Variants in ASIC2 observed in about 807,000 individuals in gnomAD.
The protein encoded by ASIC2 is acid-sensing ion channel 2.
In ASIC2, 25 loss-of-function variants were observed where a neutral mutation model predicts 57.3. That is an observed-to-expected ratio of 0.44 (90% CI 0.32 to 0.61). The LOEUF (loss-of-function observed/expected upper bound fraction) is 0.61. Among genes scored for constraint, ASIC2 ranks in the 20% least tolerant of loss-of-function variants. The probability of loss-of-function intolerance (pLI) is 0.06; values close to 1 mark genes in which losing one functional copy is unlikely to be tolerated. For synonymous variants in ASIC2, 319 were observed against 307.5 expected, an observed-to-expected ratio of 1.04 and a Z score of -0.39; for missense variants, 641 against 738.1, an observed-to-expected ratio of 0.87 and a Z score of 1.52.
At chr17:33,396,285 A>G (rs1910074138) in intron 1 of ASIC2, among the ~76,000 whole-genome samples, 1 of 152,214 alleles carries the variant, frequency 6.6e-6, no homozygotes, top group Non-Finnish European at 1.5e-5. Context: ...CTTCTGCTAA[A>G]TAGAAAATCA....
chr17:33,382,331 G>A (rs888306452), intron 1 of ASIC2, among the ~76,000 whole-genome samples: 7 of 152,166 alleles, frequency 4.6e-5, no homozygotes, highest in Admixed American at 6.5e-5. Flanking sequence ...CGATGATGCT[G>A]AAGTTTTAGA....
intron 1 of ASIC2, among the ~76,000 whole-genome samples, chr17:33,761,542 T>G (rs777866315): frequency 6.6e-6 from 1 of 152,160 alleles, no homozygotes; most frequent in African/African-American, 2.4e-5. Flanking sequence ...CCAAATGGAA[T>G]GGAGTGATCA....
chr17:33,812,885 C>A (rs528659837), intron 1 of ASIC2, among the ~76,000 whole-genome samples: 2 of 152,156 alleles, frequency 1.3e-5, no homozygotes, highest in African/African-American at 2.4e-5. Flanking sequence ...GTCTTCTTGG[C>A]AGGACTGGTG....
chr17:33,445,690 G>C (rs931212034), intron 1 of ASIC2, among the ~76,000 whole-genome samples: 1 of 151,670 alleles, frequency 6.6e-6, no homozygotes, highest in Non-Finnish European at 1.5e-5. Context: ...CCAGCTACTC[G>C]AGAGGCTGAG....
chr17:33,617,816 A>G (rs1905655606), intron 1 of ASIC2, among the ~76,000 whole-genome samples: 2 of 152,206 alleles, frequency 1.3e-5, no homozygotes, highest in South Asian at 4.1e-4. Context: ...TAGTTTTTTC[A>G]TCTTCCAAAG....
intron 1 of ASIC2, among the ~76,000 whole-genome samples, chr17:33,264,637 A>G (rs1480008816): frequency 6.6e-6 from 1 of 152,224 alleles, no homozygotes; most frequent in Non-Finnish European, 1.5e-5. Context: ...TTCCCAGAAC[A>G]ATGTCAGATC....
At chr17:33,481,237 G>A (rs1488817023) in intron 1 of ASIC2, among the ~76,000 whole-genome samples, 1 of 152,100 alleles carries the variant, frequency 6.6e-6, no homozygotes, top group East Asian at 1.9e-4. Context: ...GCCTGTTTGA[G>A]GTTACCCTGG....
intron 1 of ASIC2, among the ~76,000 whole-genome samples, chr17:33,385,651 A>G (rs1311598826): frequency 1.3e-5 from 2 of 152,206 alleles, no homozygotes; most frequent in African/African-American, 2.4e-5. Context: ...TACTTTTCTG[A>G]TGAGGCCTGC....
intron 1 of ASIC2, among the ~76,000 whole-genome samples, chr17:33,915,231 G>A (rs1461347190): frequency 6.6e-6 from 1 of 152,214 alleles, no homozygotes; most frequent in Non-Finnish European, 1.5e-5. Flanking sequence ...GGAGCAAGAA[G>A]ACAATACACC....
chr17:33,064,746 T>G (rs557611878), intron 3 of ASIC2, among the ~76,000 whole-genome samples: 50 of 152,318 alleles, frequency 3.3e-4, no homozygotes, highest in African/African-American at 1.1e-3. Flanking sequence ...AAATCACCCA[T>G]CTTCTGCGTC....
chr17:33,153,893 C>T (rs186807154), intron 1 of ASIC2, among the ~76,000 whole-genome samples: 1 of 152,314 alleles, frequency 6.6e-6, no homozygotes, highest in African/African-American at 2.4e-5. Flanking sequence ...CTCTGAAGGG[C>T]CACTGAGATC....
intron 1 of ASIC2, among the ~76,000 whole-genome samples, chr17:33,613,491 A>G (rs1905485625): frequency 6.6e-6 from 1 of 150,576 alleles, no homozygotes; most frequent in African/African-American, 2.5e-5. Flanking sequence ...CAGCCTCACG[A>G]GTAGCTGGGA....
chr17:33,984,583 C>T (rs1192174421), intron 1 of ASIC2, among the ~76,000 whole-genome samples: 3 of 152,200 alleles, frequency 2.0e-5, no homozygotes, highest in South Asian at 2.1e-4. Flanking sequence ...CACAACCACC[C>T]GACGATGCAG....
At chr17:33,428,929 G>A (rs8082627) in intron 1 of ASIC2, among the ~76,000 whole-genome samples, 111,383 of 152,086 alleles carry the variant, frequency 0.73, 41,373 homozygotes, top group Middle Eastern at 0.79. Flanking sequence ...ATAACTCAGG[G>A]GGCTCGGCTG....
chr17:33,830,591 G>T (rs762636966), intron 1 of ASIC2, among the ~76,000 whole-genome samples: 2 of 151,912 alleles, frequency 1.3e-5, no homozygotes, highest in African/African-American at 2.4e-5. Context: ...TATATATGCA[G>T]AAAGTGCAAG....
chr17:33,134,804 C>T (rs1194087859), intron 1 of ASIC2, among the ~76,000 whole-genome samples: 1 of 150,314 alleles, frequency 6.7e-6, no homozygotes. Context: ...GGAACTCCAT[C>T]ATAGCCCCTG....
At chr17:33,809,772 T>C (rs1370236375) in intron 1 of ASIC2, among the ~76,000 whole-genome samples, 1 of 152,238 alleles carries the variant, frequency 6.6e-6, no homozygotes, top group Non-Finnish European at 1.5e-5. Flanking sequence ...TTTTATTTAG[T>C]GCATGAATGC....
intron 1 of ASIC2, among the ~76,000 whole-genome samples, chr17:33,795,991 CTG>C (rs1367444173): frequency 6.6e-6 from 1 of 152,224 alleles, no homozygotes; most frequent in Non-Finnish European, 1.5e-5. Context: ...ATTATCAACA[CTG>C]TTAAGATGAG....
rs369057595 is a variant in ASIC2, at chr17:33,489,563, G to A, written c.556-377496C>T. 4.1e-3 allele frequency among the ~76,000 whole-genome samples: 620 copies of A among 152,296 alleles called. 1 individual carries two copies. Among genetic ancestry groups the A allele is most frequent in the Non-Finnish European group, 6.3e-3 (426 of 68,024 alleles). On this transcript the variant is annotated intron_variant, in intron 1 of 9. Transcript: ENST00000359872. ...CAGCTCACTGGCCCTGGACACTGAAGCTGTCAGTTTCCCATCTGGAGACTC... is the reference window on the plus strand; with the variant it reads ...CAGCTCACTGGCCCTGGACACTGAAACTGTCAGTTTCCCATCTGGAGACTC...
Sources: gnomAD v4.1 joint callset for allele counts (sites outside exome capture counted in the v4.1 genomes callset) on GRCh38, gnomAD v4.1.1 for gene constraint, MANE v1.5 for transcripts, NCBI Gene and HGNC (gene_info 2026-07-23, HGNC 2026-07-21) for gene names.